Variants in FGD1 observed in about 807,000 individuals in gnomAD.
FGD1 encodes the protein FYVE, RhoGEF and PH domain containing 1, also known as FYVE, RhoGEF and PH domain-containing protein 1.
Under a neutral mutation model 65.0 loss-of-function variants are expected in FGD1, and 12 were observed. The observed-to-expected ratio is 0.18, with a 90% CI of 0.12 to 0.30. The LOEUF is 0.30. FGD1 is among the 10% of genes least tolerant of loss of function. The probability of loss-of-function intolerance (pLI) is 1.00; values close to 1 mark genes in which losing one functional copy is unlikely to be tolerated. For missense variants in FGD1, 542 were observed against 837.6 expected (o/e 0.65, Z 4.36); for synonymous variants, 333 against 343.9 (o/e 0.97, Z 0.35).
At chrX:54,489,794 A>G (rs1160348041) in intron 1 of FGD1, among the ~76,000 whole-genome samples, 3 of 111,818 alleles carry the variant, frequency 2.7e-5, no homozygotes, top group African/African-American at 9.8e-5. Context: ...AAATAACTCA[A>G]GCAGAATTAC....
intron 1 of FGD1, among the ~76,000 whole-genome samples, chrX:54,486,528 G>A (rs1447581021): frequency 1.8e-5 from 2 of 111,711 alleles, no homozygotes; most frequent in Non-Finnish European, 3.8e-5. Flanking sequence ...TTACAGGCAT[G>A]AGCCACTGCG....
Position 54,449,742 on chromosome X carries a change from G to A in FGD1, c.2065C>T (p.Leu689=). The A allele has an allele frequency of 8.3e-7, 1 of 1,203,721 alleles. No individual in the cohort carries two copies. Among genetic ancestry groups the A allele is most frequent in the South Asian group, 1.8e-5 (1 of 56,777 alleles). Residue 689 remains leucine (L), a synonymous_variant, in exon 14 of 18, where the codon CTG becomes TTG. Transcript: ENST00000375135. ...DWVQAINSTL[L]KHEQTLETFK... ...GTCTCCAGCGTCTGTTCATGCTTCAGGAGGGTGGAGTTGATGGCCTGGGGA... is the reference window on the plus strand; with the variant it reads ...GTCTCCAGCGTCTGTTCATGCTTCAAGAGGGTGGAGTTGATGGCCTGGGGA...
chrX:54,445,853 A>G lies in FGD1; in HGVS notation c.*256T>C, dbSNP rs1322670207. ...GGGAGAAAAACGACCTAATTCAGGT[A>G]GGACTGGCAACGGCTCCCACCCTCC... On this transcript the variant is annotated 3_prime_UTR_variant, in exon 18 of 18. Transcript: ENST00000375135. 2.7e-6 allele frequency: 1 copy of G among 365,833 alleles called. No individual in the cohort carries two copies. The highest frequency in any genetic ancestry group is 4.7e-6 in the Non-Finnish European group (1 of 213,978). The allele number at this position is 365,833 out of a possible 1,213,427, so 30.1% of individuals were successfully genotyped here.
At chrX:54,474,157 A>G (rs1922964540) in intron 1 of FGD1, among the ~76,000 whole-genome samples, 2 of 111,533 alleles carry the variant, frequency 1.8e-5, no homozygotes, top group Non-Finnish European at 3.8e-5. Context: ...CTCATCTAAC[A>G]AACACATCCA....
At chrX:54,471,192 C>T in intron 2 of FGD1, 122 bp downstream of exon 2, 1 of 775,395 alleles carries the variant, frequency 1.3e-6, no homozygotes. Flanking sequence ...GGTAGCACTG[C>T]CCTGGGAGCA....
At chrX:54,456,441 C>T in intron 9 of FGD1, 68 bp downstream of exon 9, 2 of 1,207,020 alleles carry the variant, frequency 1.7e-6, no homozygotes, top group Non-Finnish European at 2.2e-6. Flanking sequence ...TCACGACACC[C>T]CCACTCCAGG....
chrX:54,489,886 T>C (rs1923378064), intron 1 of FGD1, among the ~76,000 whole-genome samples: 1 of 112,255 alleles, frequency 8.9e-6, no homozygotes, highest in Admixed American at 9.5e-5. Context: ...TGCATATGTA[T>C]GTTCATCACA....
At chrX:54,461,084 C>T (rs1240735942) in intron 8 of FGD1, among the ~76,000 whole-genome samples, 1 of 111,746 alleles carries the variant, frequency 8.9e-6, no homozygotes, top group Non-Finnish European at 1.9e-5. Flanking sequence ...TCACTGGCGG[C>T]TCACTTTGGG....
chrX:54,447,488 A>C (rs754735017), intron 16 of FGD1, 34 bp from the exon 17 acceptor site: 2 of 1,197,195 alleles, frequency 1.7e-6, no homozygotes, highest in East Asian at 6.0e-5. Context: ...CAATGTTGAC[A>C]GAAGGCCTAG....
At chrX:54,467,132 T>C (rs2147433700) in intron 6 of FGD1, among the ~76,000 whole-genome samples, 1 of 110,359 alleles carries the variant, frequency 9.1e-6, no homozygotes, top group Admixed American at 9.7e-5. Context: ...CGTTATTATT[T>C]CCCCCCATTT....
At chrX:54,472,301 A>G (rs1452598219) in intron 1 of FGD1, among the ~76,000 whole-genome samples, 1 of 109,772 alleles carries the variant, frequency 9.1e-6, no homozygotes, top group Non-Finnish European at 1.9e-5. Flanking sequence ...AAAAGAAGAA[A>G]AATGAAAAAG....
chrX:54,462,197 T>A (rs1922651679), intron 8 of FGD1, among the ~76,000 whole-genome samples: 1 of 111,157 alleles, frequency 9.0e-6, no homozygotes, highest in Non-Finnish European at 1.9e-5. Flanking sequence ...GAGGGCTCTT[T>A]TTCAGCAGGA....
At chrX:54,458,218 GCA>G (rs1230743240) in intron 8 of FGD1, among the ~76,000 whole-genome samples, 2 of 111,794 alleles carry the variant, frequency 1.8e-5, no homozygotes, top group Non-Finnish European at 3.8e-5. Context: ...CCCTGTGCCT[GCA>G]GGGTAAAGAC....
chrX:54,456,624 G>T, intron 8 of FGD1, 57 bp from the exon 9 acceptor site: 1 of 1,025,162 alleles, frequency 9.8e-7, no homozygotes, highest in Non-Finnish European at 1.3e-6. Flanking sequence ...AGCCTTTCCG[G>T]GGCTTTGTTT....
intron 1 of FGD1, among the ~76,000 whole-genome samples, chrX:54,492,550 GC>G (rs1289617289): frequency 1.8e-5 from 2 of 112,164 alleles, no homozygotes; most frequent in African/African-American, 6.5e-5. Context: ...AGTCACTTGT[GC>G]CTACCCCTGG....
chrX:54,466,991 C>T (rs1346690524), intron 6 of FGD1, among the ~76,000 whole-genome samples: 2 of 111,153 alleles, frequency 1.8e-5, no homozygotes, highest in South Asian at 3.8e-4. Flanking sequence ...CCTGGTGATC[C>T]GCCTGCCTCG....
intron 1 of FGD1, among the ~76,000 whole-genome samples, chrX:54,473,277 TAC>T (rs1334331007): frequency 1.4e-4 from 16 of 112,125 alleles, no homozygotes; most frequent in Non-Finnish European, 3.0e-4. Flanking sequence ...ACAAAAGATA[TAC>T]ATTGTCATTT....
chrX:54,455,170 CA>C (rs781415905), intron 12 of FGD1, among the ~76,000 whole-genome samples: 218 of 112,460 alleles, frequency 1.9e-3, no homozygotes, highest in African/African-American at 6.1e-3. Flanking sequence ...CAAAATCCAC[CA>C]GAAGAAATTC....
Position 54,449,287 on chromosome X carries a change from C to G in FGD1, c.2149-19G>C. On this transcript the variant is annotated intron_variant, in intron 14 of 17. Coordinates refer to ENST00000375135, the MANE Select transcript of FGD1 (RefSeq NM_004463.3). ...CCACGTTCTGTAGGGAGGGCCAGGT[C>G]TCAGGTCAGAGACAGCTACTCCCCA... 8.3e-7 allele frequency: 1 copy of G among 1,210,355 alleles called. No homozygotes were observed.
Sources: allele counts gnomAD v4.1 joint callset (sites outside exome capture counted in the v4.1 genomes callset), GRCh38; gene constraint gnomAD v4.1.1; transcripts MANE v1.5; gene names NCBI Gene and HGNC (gene_info 2026-07-23, HGNC 2026-07-21).